PCDHA6: variants seen among roughly 807,000 people sequenced by gnomAD.
PCDHA6 encodes protocadherin alpha-6.
A neutral mutation model predicts 60.3 loss-of-function variants in PCDHA6; 55 were observed. That is an observed-to-expected ratio of 0.91 (90% CI 0.73 to 1.14). PCDHA6 has a LOEUF of 1.14. Ranked by LOEUF, PCDHA6 falls within the 50% of genes most tolerant of loss-of-function variation. The pLI, the probability that PCDHA6 is intolerant of heterozygous loss-of-function variation, is 0.00. For missense variants in PCDHA6, 1,327 were observed against 1,256.5 expected (o/e 1.06, Z -0.85); for synonymous variants, 652 against 557.9 (o/e 1.17, Z -2.38).
At chr5:140,983,437 A>C (rs1046174445) in intron 3 of PCDHA6, among the ~76,000 whole-genome samples, 1 of 152,202 alleles carries the variant, frequency 6.6e-6, no homozygotes, top group African/African-American at 2.4e-5. Flanking sequence ...AATTGTGTCT[A>C]CTCTAATCCT....
At chr5:140,989,329 C>A (rs1554250749) in intron 3 of PCDHA6, among the ~76,000 whole-genome samples, 2 of 152,120 alleles carry the variant, frequency 1.3e-5, no homozygotes, top group African/African-American at 4.8e-5. Context: ...AACTTTGCCA[C>A]CTGACTCAGC....
At chr5:140,946,610 A>AT (rs2093970425) in intron 1 of PCDHA6, among the ~76,000 whole-genome samples, 1 of 119,932 alleles carries the variant, frequency 8.3e-6, no homozygotes, top group African/African-American at 3.4e-5. Flanking sequence ...AGAAAATGTG[A>AT]AATATATATA....
At chr5:140,930,918 T>G (rs1554208161) in intron 1 of PCDHA6, among the ~76,000 whole-genome samples, 1 of 152,180 alleles carries the variant, frequency 6.6e-6, no homozygotes, top group East Asian at 1.9e-4. Context: ...ACTTTAGATG[T>G]GTATATGTGG....
intron 1 of PCDHA6, among the ~76,000 whole-genome samples, chr5:140,955,355 G>A (rs1406631698): frequency 1.3e-5 from 2 of 152,086 alleles, no homozygotes; most frequent in African/African-American, 4.8e-5. Flanking sequence ...GTTGTGAGAG[G>A]GACCCAGTGG....
intron 1 of PCDHA6, chr5:140,867,240 G>C (rs538392641): frequency 6.6e-6 from 1 of 152,186 alleles, no homozygotes; most frequent in African/African-American, 2.4e-5. Context: ...TAAGGTGATT[G>C]AGGATCTGTT....
intron 1 of PCDHA6, among the ~76,000 whole-genome samples, chr5:140,945,046 A>T (rs2093731107): frequency 6.6e-6 from 1 of 152,192 alleles, no homozygotes; most frequent in Non-Finnish European, 1.5e-5. Flanking sequence ...TTGGTCTTAT[A>T]TAAAGAAAAC....
chr5:140,982,678 C>T (rs781968397), intron 3 of PCDHA6, 115 bp downstream of exon 3: 29 of 1,438,778 alleles, frequency 2.0e-5, no homozygotes, highest in Non-Finnish European at 2.6e-5. Context: ...TTTGTTATTC[C>T]CTTTTTTCCA....
At chr5:140,834,361 G>C in intron 1 of PCDHA6, 1 of 1,551,090 alleles carries the variant, frequency 6.4e-7, no homozygotes, top group Non-Finnish European at 8.7e-7. Context: ...TTGCTGACTA[G>C]AAAAACAAGC....
chr5:140,870,242 T>A (rs1554163936), intron 1 of PCDHA6: 1 of 1,614,142 alleles, frequency 6.2e-7, no homozygotes, highest in East Asian at 2.2e-5. Flanking sequence ...GACTCAGGTG[T>A]CAACGGACAG....
intron 1 of PCDHA6, among the ~76,000 whole-genome samples, chr5:140,915,232 C>A (rs1554196813): frequency 1.3e-5 from 2 of 152,274 alleles, no homozygotes; most frequent in Admixed American, 6.5e-5. Flanking sequence ...CAGGCATGAG[C>A]CACCATGCCT....
intron 3 of PCDHA6, among the ~76,000 whole-genome samples, chr5:140,997,376 C>T (rs1554255857): frequency 2.6e-5 from 4 of 152,144 alleles, no homozygotes. Flanking sequence ...GATGATATAG[C>T]ATACTACACA....
chr5:140,986,461 C>T (rs1554248079), intron 3 of PCDHA6, among the ~76,000 whole-genome samples: 1 of 152,154 alleles, frequency 6.6e-6, no homozygotes. Context: ...TTAATGAATG[C>T]CCTCTTGTGA....
chr5:140,928,687 C>G (rs782599747), intron 1 of PCDHA6: 1 of 1,614,142 alleles, frequency 6.2e-7, no homozygotes, highest in Non-Finnish European at 8.5e-7. Flanking sequence ...GCTTTCCTAC[C>G]ACATCTCCCG....
chr5:140,967,278 G>A (rs2096121968), intron 1 of PCDHA6: 1 of 1,613,290 alleles, frequency 6.2e-7, no homozygotes. Flanking sequence ...CACATAGAGA[G>A]TGCGCAGGAC....
At chr5:140,836,640 C>T (rs1554136168) in intron 1 of PCDHA6, 21 of 1,613,350 alleles carry the variant, frequency 1.3e-5, no homozygotes, top group Non-Finnish European at 1.6e-5. Context: ...ATTCTCCCAG[C>T]AGAGGCGGCA....
intron 3 of PCDHA6, 51 bp downstream of exon 3, chr5:140,982,614 G>T (rs1283279622): frequency 6.3e-7 from 1 of 1,596,658 alleles, no homozygotes; most frequent in Non-Finnish European, 8.5e-7. Flanking sequence ...AAAGTGATCA[G>T]ATGACCTACT....
chr5:140,900,081 G>T (rs1306300563), intron 1 of PCDHA6, among the ~76,000 whole-genome samples: 1 of 152,062 alleles, frequency 6.6e-6, no homozygotes, highest in African/African-American at 2.4e-5. Context: ...AAGTGCTGCA[G>T]TTACAAGCAT....
intron 1 of PCDHA6, among the ~76,000 whole-genome samples, chr5:140,924,902 AAAAT>A (rs1239542905): frequency 0.13 from 4,984 of 38,732 alleles, 244 homozygotes; most frequent in African/African-American, 0.34. Flanking sequence ...CTCAAAAAAA[AAAAT>A]AAAATAAAAT....
chr5:141,000,904 T>A lies in PCDHA6; in HGVS notation c.2543-8723T>A, dbSNP rs1398868730. Among the ~76,000 whole-genome samples, 6 of 151,990 alleles carry A rather than the reference T, an allele frequency of 3.9e-5. No individual in the cohort carries two copies. The East Asian group carries it at 1.2e-3, about 29-fold the overall frequency. On this transcript the variant is annotated intron_variant, in intron 3 of 3. Coordinates refer to ENST00000529310, the MANE Select transcript of PCDHA6 (RefSeq NM_018909.4). ...ACCTGGGCAACAGATATAGACGCTGTCTCTAAAAAAAAAAATCCTGTGTGA... is the reference window on the plus strand; with the variant it reads ...ACCTGGGCAACAGATATAGACGCTGACTCTAAAAAAAAAAATCCTGTGTGA...
Sources: gnomAD v4.1 joint callset for allele counts (sites outside exome capture counted in the v4.1 genomes callset) on GRCh38, gnomAD v4.1.1 for gene constraint, MANE v1.5 for transcripts, NCBI Gene and HGNC (gene_info 2026-07-23, HGNC 2026-07-21) for gene names.